AFF1: variants seen among roughly 807,000 people sequenced by gnomAD.
AFF1 encodes ALF transcription elongation factor 1.
AFF1 carries 48 observed loss-of-function variants against 121.7 expected under a neutral mutation model. That is an observed-to-expected ratio of 0.39 (90% CI 0.31 to 0.50). The LOEUF (loss-of-function observed/expected upper bound fraction) is 0.50, where lower values mean the gene tolerates loss of function less well. Among genes scored for constraint, AFF1 ranks in the 20% least tolerant of loss-of-function variants. The pLI, the probability that AFF1 is intolerant of heterozygous loss-of-function variation, is 0.76. For missense variants in AFF1, 1,523 were observed against 1,511.7 expected (o/e 1.01, Z -0.12); for synonymous variants, 613 against 563.0 (o/e 1.09, Z -1.26).
At position 87,138,497 on chromosome 4, in the gene AFF1, G is replaced by A. The variant is rs1426427160; in HGVS notation, c.*2796G>A. The stretch of plus-strand genomic sequence containing the variant: ...TTGCCTTTGGCACTACAAGGTGTGT[G>A]TGTGTGTGTGTGTGTGTGTGTGTGT... On this transcript the variant is annotated 3_prime_UTR_variant, in exon 21 of 21. Coordinates refer to ENST00000395146, the MANE Select transcript of AFF1 (RefSeq NM_001166693.3). The A allele has an allele frequency of 1.3e-5, 1 of 79,118 alleles. No homozygotes were observed. The highest frequency in any genetic ancestry group is 7.5e-5 in the African/African-American group (1 of 13,262). 4.9% of individuals were successfully genotyped at this position (79,118 alleles called of 1,614,324 possible). A position where few individuals can be genotyped will look rare whatever the true frequency, so the allele number is the denominator to read the frequency against.
chr4:87,073,280 C>CAAAAAAAAAAAAAAAAA (rs55821662), intron 4 of AFF1, among the ~76,000 whole-genome samples: 3 of 83,686 alleles, frequency 3.6e-5, no homozygotes, highest in African/African-American at 1.0e-4. Context: ...GCATTAAAGC[C>CAAAAAAAAAAAAAAAAA]AAAAAAAAAA....
intron 1 of AFF1, among the ~76,000 whole-genome samples, chr4:86,937,807 A>G (rs1477098916): frequency 2.0e-5 from 3 of 151,358 alleles, no homozygotes; most frequent in Non-Finnish European, 4.4e-5. Context: ...GGGGCTCCCT[A>G]TGTTACCCAG....
intron 10 of AFF1, among the ~76,000 whole-genome samples, chr4:87,106,673 T>G (rs1368763907): frequency 6.6e-6 from 1 of 152,240 alleles, no homozygotes; most frequent in Non-Finnish European, 1.5e-5. Context: ...ATTTAATTTT[T>G]GAAAATATGA....
rs1729573622 is a variant in AFF1, at chr4:87,139,748, T to A, written c.*4047T>A. ...ATTGGAAGGAGGTGTAACGGCAGAA[T>A]AGCATCGTGTTGGGGGTTTTCCTTC... On this transcript the variant is annotated 3_prime_UTR_variant, in exon 21 of 21. Coordinates refer to ENST00000395146, the MANE Select transcript of AFF1 (RefSeq NM_001166693.3). 1 of 226,808 alleles carries A rather than the reference T, an allele frequency of 4.4e-6. No homozygotes were observed. Among genetic ancestry groups the A allele is most frequent in the African/African-American group, 2.2e-5 (1 of 44,974 alleles). The allele number at this position is 226,808 out of a possible 1,614,324, so 14.0% of individuals were successfully genotyped here.
At chr4:87,103,803 A>T (rs1396096266) in intron 8 of AFF1, among the ~76,000 whole-genome samples, 1 of 152,266 alleles carries the variant, frequency 6.6e-6, no homozygotes, top group African/African-American at 2.4e-5. Context: ...TGGTTGGATT[A>T]CATGATCATT....
intron 2 of AFF1, among the ~76,000 whole-genome samples, chr4:86,979,035 ACT>A (rs759547598): frequency 2.0e-5 from 3 of 151,960 alleles, no homozygotes; most frequent in Non-Finnish European, 4.4e-5. Flanking sequence ...TGCCTCATGT[ACT>A]CTCAACTCCA....
intron 2 of AFF1, among the ~76,000 whole-genome samples, chr4:86,997,735 C>A (rs1460027343): frequency 4.7e-5 from 7 of 148,666 alleles, no homozygotes; most frequent in Non-Finnish European, 1.0e-4. Context: ...GCGCTTCAGC[C>A]TGGGCAACAG....
rs1375785123 is a variant in AFF1, at chr4:86,965,311, T to G, written c.38+16740T>G. Among the ~76,000 whole-genome samples the G allele has an allele frequency of 3.3e-4, 50 of 152,256 alleles. 1 individual carries two copies. Among genetic ancestry groups the G allele is most frequent in the Non-Finnish European group, 1.2e-4 (8 of 68,042 alleles). On this transcript the variant is annotated intron_variant, in intron 2 of 20. Coordinates refer to ENST00000395146, the MANE Select transcript of AFF1 (RefSeq NM_001166693.3). ...CACAGGCAAGCCTTAGAGCCAATGG[T>G]GCCTACAGGTTACCTGTATTTCACT...
chr4:87,066,345 A>G (rs1338934809), intron 4 of AFF1, among the ~76,000 whole-genome samples: 1 of 152,160 alleles, frequency 6.6e-6, no homozygotes, highest in Non-Finnish European at 1.5e-5. Flanking sequence ...GGGTCATGCC[A>G]GGCTGAGGTG....
chr4:87,029,368 T>C (rs1340396102), intron 2 of AFF1, among the ~76,000 whole-genome samples: 1 of 152,212 alleles, frequency 6.6e-6, no homozygotes, highest in African/African-American at 2.4e-5. Context: ...TTTAACGTTA[T>C]GAAGACTGTC....
intron 11 of AFF1, 110 bp downstream of exon 11, chr4:87,108,425 C>T (rs1022195458): frequency 7.4e-6 from 9 of 1,210,008 alleles, no homozygotes; most frequent in Non-Finnish European, 1.0e-5. Context: ...TCATTCTGTC[C>T]CATGGGGCAA....
At chr4:87,020,920 G>A in intron 2 of AFF1, 8 of 807,644 alleles carry the variant, frequency 9.9e-6, no homozygotes, top group Non-Finnish European at 1.2e-5. Flanking sequence ...AAAAAGATGT[G>A]TATCTTTTAA....
At chr4:86,943,776 A>G (rs998334847) in intron 1 of AFF1, among the ~76,000 whole-genome samples, 23 of 152,158 alleles carry the variant, frequency 1.5e-4, no homozygotes, top group South Asian at 1.0e-3. Context: ...CCTGACCAAC[A>G]TGGAGAAACC....
chr4:86,981,294 G>C (rs1255952447), intron 2 of AFF1, among the ~76,000 whole-genome samples: 4 of 152,114 alleles, frequency 2.6e-5, no homozygotes, highest in Non-Finnish European at 4.4e-5. Context: ...TTTTTAAGTT[G>C]ATTATGTAGG....
At chr4:87,030,130 A>G (rs1351390354) in intron 2 of AFF1, among the ~76,000 whole-genome samples, 1 of 146,414 alleles carries the variant, frequency 6.8e-6, no homozygotes, top group African/African-American at 2.8e-5. Context: ...GCTTTAAATG[A>G]ACTTAAAAAA....
chr4:87,059,153 A>G (rs2149646948), intron 4 of AFF1, among the ~76,000 whole-genome samples: 1 of 152,292 alleles, frequency 6.6e-6, no homozygotes, highest in South Asian at 2.1e-4. Flanking sequence ...GCCGTTGCTC[A>G]CGAACACCAG....
At position 87,115,165 on chromosome 4, in the gene AFF1, T is replaced by A. The variant is rs756218701; in HGVS notation, c.2332T>A (p.Ser778Thr). The A allele has an allele frequency of 6.2e-7, 1 of 1,614,074 alleles. No individual in the cohort carries two copies. Among genetic ancestry groups the A allele is most frequent in the South Asian group, 1.1e-5 (1 of 91,072 alleles). ...LMVKITLDLLSRIPQPPGKGS... is the reference protein window; with the variant it reads ...LMVKITLDLLTRIPQPPGKGS... ...GGTGAAGATCACCCTAGACCTGCTC[T>A]CTCGGATACCCCAGCCTCCCGGGAA... Residue 778 changes from serine (S) to threonine (T), a missense_variant, in exon 12 of 21, where the codon TCT (serine) becomes ACT (threonine). Around this residue, in one of 5 missense-constraint regions of AFF1, gnomAD observed 905 missense variants for 842.5 expected, o/e 1.07. Transcript: ENST00000395146.
At position 87,126,127 on chromosome 4, in the gene AFF1, A is replaced by G. The variant is rs1728216458; in HGVS notation, c.2602A>G (p.Lys868Glu). Reference sequence around the variant, plus strand: ...CTCCAGGCCCTCCTCACAGTCCTCAAAGAAGGAAATGCTCCCCCCGCCACC... The same window carrying G: ...CTCCAGGCCCTCCTCACAGTCCTCAGAGAAGGAAATGCTCCCCCCGCCACC... ...KPSRPSSQSS[K>E]KEMLPPPPVS... Residue 868 changes from lysine to glutamate, a missense_variant, in exon 14 of 21, where the codon AAG becomes GAG. By Grantham distance (56) the Lys-to-Glu change is moderately conservative. Around this residue, in one of 5 missense-constraint regions of AFF1, gnomAD observed 905 missense variants for 842.5 expected, o/e 1.07. Coordinates refer to ENST00000395146, the MANE Select transcript of AFF1 (RefSeq NM_001166693.3). The G allele has an allele frequency of 6.2e-7, 1 of 1,613,964 alleles. No individual in the cohort carries two copies. Among genetic ancestry groups the G allele is most frequent in the Non-Finnish European group, 8.5e-7 (1 of 1,180,022 alleles).
chr4:87,095,229 A>G (rs552700017), intron 8 of AFF1, among the ~76,000 whole-genome samples: 1 of 152,058 alleles, frequency 6.6e-6, no homozygotes, highest in Non-Finnish European at 1.5e-5. Context: ...AGCGATTCTC[A>G]TGCGTCAGCC....
Sources: gnomAD v4.1 joint callset for allele counts (sites outside exome capture counted in the v4.1 genomes callset) on GRCh38, gnomAD v4.1.1 for gene constraint, gnomAD v4.1.1 regional missense constraint, MANE v1.5 for transcripts, NCBI Gene and HGNC (gene_info 2026-07-23, HGNC 2026-07-21) for gene names.